The following CDK14 variants were observed in gnomAD, a reference collection of about 807,000 sequenced individuals.
CDK14 encodes cyclin-dependent kinase 14.
In CDK14, 34 loss-of-function variants were observed where a neutral mutation model predicts 60.7. The ratio of observed to expected loss-of-function variants is 0.56; its 90% CI spans 0.43 to 0.75. The LOEUF is 0.75. Ranked by LOEUF, CDK14 falls within the 30% of genes least tolerant of loss-of-function variation. The pLI is 0.00. For missense variants in CDK14, 482 were observed against 564.1 expected (o/e 0.85, Z 1.47); for synonymous variants, 197 against 203.7 (o/e 0.97, Z 0.28).
intron 6 of CDK14, among the ~76,000 whole-genome samples, chr7:90,878,565 C>T (rs1791638795): frequency 6.6e-6 from 1 of 151,704 alleles, no homozygotes; most frequent in Non-Finnish European, 1.5e-5. Flanking sequence ...ATCCTGTGTC[C>T]AAGACTTACA....
chr7:90,938,901 G>A, intron 8 of CDK14, among the ~76,000 whole-genome samples: 2 of 152,262 alleles, frequency 1.3e-5, no homozygotes, highest in Middle Eastern at 3.4e-3. Flanking sequence ...TTATATAATA[G>A]ATTGGGAGTA....
At chr7:90,700,725 T>C (rs766943270) in intron 2 of CDK14, among the ~76,000 whole-genome samples, 1 of 152,186 alleles carries the variant, frequency 6.6e-6, no homozygotes, top group Non-Finnish European at 1.5e-5. Flanking sequence ...ATTCAGAATT[T>C]GATTACCTAA....
intron 2 of CDK14, among the ~76,000 whole-genome samples, chr7:90,699,653 A>C (rs1801740979): frequency 6.6e-6 from 1 of 152,168 alleles, no homozygotes; most frequent in Non-Finnish European, 1.5e-5. Flanking sequence ...TTTAAACCTT[A>C]GAGTTCTGAG....
At chr7:91,012,132 A>T (rs1796178334) in intron 10 of CDK14, among the ~76,000 whole-genome samples, 1 of 152,116 alleles carries the variant, frequency 6.6e-6, no homozygotes, top group African/African-American at 2.4e-5. Context: ...TTAGACTTTG[A>T]TGGGCAAGAT....
chr7:90,817,957 A>G (rs1359871706), intron 5 of CDK14, among the ~76,000 whole-genome samples: 1 of 152,154 alleles, frequency 6.6e-6, no homozygotes, highest in African/African-American at 2.4e-5. Flanking sequence ...CTGTAAGCCC[A>G]CAGAATTGAT....
intron 6 of CDK14, among the ~76,000 whole-genome samples, chr7:90,872,487 G>A (rs952576537): frequency 2.0e-5 from 3 of 152,200 alleles, no homozygotes; most frequent in Admixed American, 2.0e-4. Flanking sequence ...CTAGCTTTCA[G>A]TCAGTGCTCT....
intron 11 of CDK14, among the ~76,000 whole-genome samples, chr7:91,056,017 T>C (rs1004327257): frequency 9.2e-5 from 14 of 152,206 alleles, no homozygotes; most frequent in African/African-American, 3.1e-4. Flanking sequence ...TTGTATAAAG[T>C]CCTCCATAAC....
chr7:91,121,025 A>C (rs2116387199), intron 14 of CDK14, among the ~76,000 whole-genome samples: 1 of 152,316 alleles, frequency 6.6e-6, no homozygotes, highest in Non-Finnish European at 1.5e-5. Context: ...GGAGTTTTTA[A>C]ATAAATGGGA....
chr7:90,934,669 G>T (rs998299900), intron 8 of CDK14, among the ~76,000 whole-genome samples: 1 of 152,156 alleles, frequency 6.6e-6, no homozygotes, highest in East Asian at 1.9e-4. Flanking sequence ...AATGAATTCA[G>T]TGATCTATTT....
At chr7:91,084,463 T>C (rs1295713172) in intron 12 of CDK14, among the ~76,000 whole-genome samples, 1 of 152,196 alleles carries the variant, frequency 6.6e-6, no homozygotes, top group Non-Finnish European at 1.5e-5. Flanking sequence ...TTTGTGACAG[T>C]CTAAGTGCCA....
At chr7:90,998,816 G>A (rs540002192) in intron 10 of CDK14, among the ~76,000 whole-genome samples, 1 of 152,190 alleles carries the variant, frequency 6.6e-6, no homozygotes, top group South Asian at 2.1e-4. Context: ...CTGAACCCGG[G>A]AGGCGGAGCT....
chr7:91,187,959 T>C (rs1388601912), intron 14 of CDK14, among the ~76,000 whole-genome samples: 1 of 152,206 alleles, frequency 6.6e-6, no homozygotes, highest in African/African-American at 2.4e-5. Flanking sequence ...ACATGCCTAG[T>C]CCCAGGTAGC....
intron 3 of CDK14, among the ~76,000 whole-genome samples, chr7:90,736,435 T>A (rs1803119103): frequency 6.8e-6 from 1 of 147,898 alleles, no homozygotes. Context: ...CATTAACACT[T>A]TTTGCATAAC....
At chr7:91,141,444 T>C (rs1300101087) in intron 14 of CDK14, among the ~76,000 whole-genome samples, 1 of 152,258 alleles carries the variant, frequency 6.6e-6, no homozygotes, top group East Asian at 1.9e-4. Context: ...TAGGTTGATA[T>C]AGCAACAGAG....
chr7:90,684,922 T>A (rs933803755), intron 2 of CDK14, among the ~76,000 whole-genome samples: 3 of 151,928 alleles, frequency 2.0e-5, no homozygotes, highest in Non-Finnish European at 4.4e-5. Context: ...ATTCATATTT[T>A]CATATATATA....
At chr7:91,203,808 A>G (rs576327576) in intron 14 of CDK14, among the ~76,000 whole-genome samples, 12 of 152,330 alleles carry the variant, frequency 7.9e-5, no homozygotes, top group Non-Finnish European at 1.2e-4. Context: ...ATGCCTGTGG[A>G]CAAATGTGCT....
chr7:91,196,107 T>A (rs542317546), intron 14 of CDK14, among the ~76,000 whole-genome samples: 1 of 152,346 alleles, frequency 6.6e-6, no homozygotes, highest in Non-Finnish European at 1.5e-5. Context: ...TGACTTATAG[T>A]TAGCTGTTGT....
At chr7:90,910,929 C>T (rs1198087757) in intron 7 of CDK14, among the ~76,000 whole-genome samples, 1 of 152,116 alleles carries the variant, frequency 6.6e-6, no homozygotes, top group African/African-American at 2.4e-5. Flanking sequence ...CCTCTCCCTT[C>T]CCCCACCCTC....
chr7:90,921,281 G>T (rs111851254), intron 8 of CDK14, among the ~76,000 whole-genome samples: 57 of 152,024 alleles, frequency 3.7e-4, no homozygotes, highest in African/African-American at 1.3e-3. Context: ...CTTTTGCTTG[G>T]GATGCTCGTC....
Sources: allele counts gnomAD v4.1 joint callset (sites outside exome capture counted in the v4.1 genomes callset), GRCh38; gene constraint gnomAD v4.1.1; transcripts MANE v1.5; gene names NCBI Gene and HGNC (gene_info 2026-07-23, HGNC 2026-07-21).